RCOR1: variants seen among roughly 807,000 people sequenced by gnomAD.
RCOR1 encodes REST corepressor.
In RCOR1, 12 loss-of-function variants were observed where a neutral mutation model predicts 64.0. The ratio of observed to expected loss-of-function variants is 0.19; its 90% CI spans 0.12 to 0.30. RCOR1 has a LOEUF of 0.30. Among genes scored for constraint, RCOR1 ranks in the 10% least tolerant of loss-of-function variants. The pLI, the probability that RCOR1 is intolerant of heterozygous loss-of-function variation, is 1.00. For missense variants in RCOR1, 502 were observed against 621.2 expected (o/e 0.81, Z 2.04); for synonymous variants, 279 against 227.2 (o/e 1.23, Z -2.05).
chr14:102,697,865 C>A (rs1042920005), intron 3 of RCOR1, among the ~76,000 whole-genome samples: 1 of 151,996 alleles, frequency 6.6e-6, no homozygotes. Flanking sequence ...GGATTACAGA[C>A]ACGCACCACC....
chr14:102,618,499 T>G (rs767781058), intron 2 of RCOR1, among the ~76,000 whole-genome samples: 6 of 151,962 alleles, frequency 3.9e-5, no homozygotes, highest in Non-Finnish European at 8.8e-5. Context: ...TCTCAGCTAC[T>G]CTGGAGGATG....
rs549970083 is a variant in RCOR1, at chr14:102,659,255, C to G, written c.362-22640C>G. The G allele has an allele frequency of 3.0e-6, 3 of 985,096 alleles. No individual in the cohort carries two copies. In the East Asian group the frequency reaches 3.4e-4, roughly 112 times the overall value. 61.0% of individuals were successfully genotyped at this position (985,096 alleles called of 1,614,324 possible). The stretch of plus-strand genomic sequence containing the variant: ...ATGAACAAGTGGAGTTTTGTTGATG[C>G]AGGGTTGCATTGGCCTTCACTATCA... On this transcript the variant is annotated intron_variant, in intron 2 of 11. Coordinates refer to ENST00000262241, the MANE Select transcript of RCOR1 (RefSeq NM_015156.4).
At chr14:102,675,553 A>G (rs1273705079) in intron 2 of RCOR1, among the ~76,000 whole-genome samples, 1 of 152,196 alleles carries the variant, frequency 6.6e-6, no homozygotes, top group African/African-American at 2.4e-5. Flanking sequence ...CCAAGTGACT[A>G]ATGGGCACAT....
chr14:102,718,801 T>C (rs1896119661), intron 8 of RCOR1, among the ~76,000 whole-genome samples: 1 of 152,082 alleles, frequency 6.6e-6, no homozygotes, highest in Non-Finnish European at 1.5e-5. Context: ...CGTATTTTGT[T>C]TTTTGGAGAC....
At position 102,592,860 on chromosome 14, in the gene RCOR1, A is replaced by C. The variant is rs972038789; in HGVS notation, c.-27A>C. On this transcript the variant is annotated 5_prime_UTR_variant, in exon 1 of 12. Coordinates refer to ENST00000262241, the MANE Select transcript of RCOR1 (RefSeq NM_015156.4). ...TCCTCAGGAGCCGCGGGTCCCCGCC[A>C]CTTTCGCACGGCCCCGGCCCCCGCC... is the stretch of plus-strand genomic sequence containing the variant. 8.5e-7 allele frequency: 1 copy of C among 1,176,468 alleles called. No homozygotes were observed. The highest frequency in any genetic ancestry group is 1.0e-6 in the Non-Finnish European group (1 of 955,826). The allele number at this position is 1,176,468 out of a possible 1,614,324, so 72.9% of individuals were successfully genotyped here.
intron 8 of RCOR1, among the ~76,000 whole-genome samples, chr14:102,720,108 A>AATC (rs941335039): frequency 3.8e-4 from 58 of 152,296 alleles, no homozygotes; most frequent in African/African-American, 1.2e-3. Flanking sequence ...TCTACTCATG[A>AATC]ATGTCTTTTA....
chr14:102,690,885 G>A (rs1895519704), intron 3 of RCOR1, among the ~76,000 whole-genome samples: 1 of 152,216 alleles, frequency 6.6e-6, no homozygotes, highest in African/African-American at 2.4e-5. Context: ...TGTGGTGGGT[G>A]TATAATAAAT....
intron 2 of RCOR1, among the ~76,000 whole-genome samples, chr14:102,648,962 TAAAC>T (rs1290376061): frequency 6.6e-6 from 1 of 150,566 alleles, no homozygotes; most frequent in Non-Finnish European, 1.5e-5. Flanking sequence ...TGTCAAGAAA[TAAAC>T]AACCAATAGA....
intron 2 of RCOR1, among the ~76,000 whole-genome samples, chr14:102,615,662 G>A (rs190939158): frequency 6.6e-6 from 1 of 151,922 alleles, no homozygotes; most frequent in African/African-American, 2.4e-5. Flanking sequence ...TGGTCAGGCT[G>A]GTCTCCAACT....
chr14:102,654,049 G>A (rs1214187111), intron 2 of RCOR1, among the ~76,000 whole-genome samples: 3 of 140,154 alleles, frequency 2.1e-5, no homozygotes, highest in East Asian at 2.2e-4. Flanking sequence ...GCAGTGGTGC[G>A]ATCTCCACTC....
intron 2 of RCOR1, among the ~76,000 whole-genome samples, chr14:102,623,892 TA>T (rs561793328): frequency 6.7e-6 from 1 of 149,144 alleles, no homozygotes; most frequent in Non-Finnish European, 1.5e-5. Flanking sequence ...CCATCTCTAC[TA>T]AAAAAAATAC....
chr14:102,700,113 TA>T (rs1464040984), intron 3 of RCOR1, among the ~76,000 whole-genome samples: 1 of 152,230 alleles, frequency 6.6e-6, no homozygotes, highest in Non-Finnish European at 1.5e-5. Context: ...GAGCTGAAAC[TA>T]AAAATGACGC....
At position 102,655,894 on chromosome 14, in the gene RCOR1, G is replaced by C. The variant is rs561499408; in HGVS notation, c.362-26001G>C. On this transcript the variant is annotated intron_variant, in intron 2 of 11. Coordinates refer to ENST00000262241, the MANE Select transcript of RCOR1 (RefSeq NM_015156.4). Reference sequence around the variant, plus strand: ...CTTGAACCTGGGAGGTGGAGGTTGCGGTCAGTCGAGATCGCGCCACTGCAC... The same window carrying C: ...CTTGAACCTGGGAGGTGGAGGTTGCCGTCAGTCGAGATCGCGCCACTGCAC... 1,174 of 754,756 alleles carry C rather than the reference G, an allele frequency of 1.6e-3. 2 individuals are homozygous for C. Among genetic ancestry groups the C allele is most frequent in the Non-Finnish European group, 1.7e-3 (1,052 of 620,270 alleles). 46.8% of individuals were successfully genotyped at this position (754,756 alleles called of 1,614,324 possible). A position where few individuals can be genotyped will look rare whatever the true frequency, so the allele number is the denominator to read the frequency against.
intron 2 of RCOR1, 121 bp from the exon 3 acceptor site, chr14:102,681,773 GT>G (rs1156313749): frequency 1.4e-5 from 9 of 655,252 alleles, no homozygotes; most frequent in Non-Finnish European, 2.4e-5. Context: ...GATGTTAAGT[GT>G]GGGGCCCATT....
At chr14:102,668,995 G>A (rs1288036626) in intron 2 of RCOR1, among the ~76,000 whole-genome samples, 17 of 152,172 alleles carry the variant, frequency 1.1e-4, no homozygotes, top group African/African-American at 3.9e-4. Flanking sequence ...AAAAGGAAGA[G>A]ATAAGAGAGA....
rs1894703813 is a variant in RCOR1, at chr14:102,655,469, T to C, written c.362-26426T>C. 3 of 981,138 alleles carry C rather than the reference T, an allele frequency of 3.1e-6. No homozygotes were observed. In the South Asian group the frequency reaches 1.4e-4, roughly 46 times the overall value. 60.8% of individuals were successfully genotyped at this position (981,138 alleles called of 1,614,324 possible). A position where few individuals can be genotyped will look rare whatever the true frequency, so the allele number is the denominator to read the frequency against. The stretch of plus-strand genomic sequence containing the variant: ...TGCTTTTGTTTTTGCTTTATCACAG[T>C]ATTTTCCTATGTTTTTTATAGTCTT... On this transcript the variant is annotated intron_variant, in intron 2 of 11. Transcript: ENST00000262241.
chr14:102,688,617 A>C (rs911783096), intron 3 of RCOR1, among the ~76,000 whole-genome samples: 2 of 152,212 alleles, frequency 1.3e-5, no homozygotes, highest in African/African-American at 4.8e-5. Flanking sequence ...AGTCAGGAGT[A>C]TCTTAACTTG....
chr14:102,698,499 A>T (rs934577391), intron 3 of RCOR1, among the ~76,000 whole-genome samples: 1 of 152,230 alleles, frequency 6.6e-6, no homozygotes, highest in Non-Finnish European at 1.5e-5. Context: ...GAGACTTGAG[A>T]TTTACAGCAG....
rs1468536013 is a variant in RCOR1, at chr14:102,698,145, CTTG to C, written c.446-3127_446-3125del. Among the ~76,000 whole-genome samples, 19 of 152,230 alleles carry C rather than the reference CTTG, an allele frequency of 1.2e-4. No individual in the cohort carries two copies. In the East Asian group the frequency reaches 1.5e-3, roughly 12 times the overall value. On this transcript the variant is annotated intron_variant, in intron 3 of 11. Transcript: ENST00000262241. ...AGCATTCGGGATCTACTGTTACTGT[CTTG>C]TTGTTCCTGTCACCAGCTGATTCTT...
Sources: allele counts gnomAD v4.1 joint callset (sites outside exome capture counted in the v4.1 genomes callset), GRCh38; gene constraint gnomAD v4.1.1; transcripts MANE v1.5; gene names NCBI Gene and HGNC (gene_info 2026-07-23, HGNC 2026-07-21).